Variants in PPP2R5E observed in about 807,000 individuals in gnomAD.
PPP2R5E encodes serine/threonine-protein phosphatase 2A 56 kDa regulatory subunit epsilon isoform.
In PPP2R5E, 4 loss-of-function variants were observed where a neutral mutation model predicts 65.3. That is an observed-to-expected ratio of 0.06 (90% CI 0.03 to 0.14). The LOEUF (loss-of-function observed/expected upper bound fraction) is 0.14, where lower values mean the gene tolerates loss of function less well. Among genes scored for constraint, PPP2R5E ranks in the 10% least tolerant of loss-of-function variants. The pLI, the probability that PPP2R5E is intolerant of heterozygous loss-of-function variation, is 1.00. For missense variants in PPP2R5E, 274 were observed against 556.1 expected (o/e 0.49, Z 5.10); for synonymous variants, 183 against 187.4 (o/e 0.98, Z 0.19).
intron 2 of PPP2R5E, among the ~76,000 whole-genome samples, chr14:63,529,216 C>T (rs981634348): frequency 6.6e-6 from 1 of 152,156 alleles, no homozygotes; most frequent in African/African-American, 2.4e-5. Context: ...CCTGCGTCCT[C>T]CCAAAGTGCT....
At chr14:63,489,829 C>T in intron 2 of PPP2R5E, among the ~76,000 whole-genome samples, 1 of 152,018 alleles carries the variant, frequency 6.6e-6, no homozygotes, top group East Asian at 1.9e-4. Context: ...CTGAGTGATG[C>T]CTTTCTCAGC....
chr14:63,484,345 T>TCACACACACACACACA (rs1239784741), intron 2 of PPP2R5E, among the ~76,000 whole-genome samples: 1 of 124,264 alleles, frequency 8.0e-6, no homozygotes, highest in African/African-American at 3.3e-5. Flanking sequence ...TCTCTCTCTC[T>TCACACACACACACACA]CTCACACACA....
intron 4 of PPP2R5E, among the ~76,000 whole-genome samples, chr14:63,417,618 T>G (rs1280652576): frequency 6.6e-6 from 1 of 152,214 alleles, no homozygotes; most frequent in East Asian, 1.9e-4. Context: ...TTGTATCATG[T>G]AGAATATTTT....
In PPP2R5E at chr14:63,420,450, A is replaced by T. The variant is rs1489735612; in HGVS notation, c.456+1543T>A. 3.9e-5 allele frequency among the ~76,000 whole-genome samples: 6 copies of T among 152,262 alleles called. No individual in the cohort carries two copies. In the East Asian group the frequency reaches 1.2e-3, roughly 29 times the overall value. On this transcript the variant is annotated intron_variant, in intron 4 of 13. Transcript: ENST00000337537. ...GCAGACAATATGTCTGGGACCTTAA[A>T]AAAAAAATCAAACATCTAAGATAGT...
Position 63,371,595 on chromosome 14 carries a change from G to A in PPP2R5E, c.*4414C>T, listed in dbSNP as rs920501872. ...GAAGTAGCATGTTTTAGCCAGAGGT[G>A]GAAGATTGTTTTGTGGCATTTTAAG... On this transcript the variant is annotated 3_prime_UTR_variant, in exon 14 of 14. Transcript: ENST00000337537. The A allele has an allele frequency of 1.3e-5, 2 of 152,238 alleles. No homozygotes were observed. The highest frequency in any genetic ancestry group is 4.8e-5 in the African/African-American group (2 of 41,464). The allele number at this position is 152,238 out of a possible 1,614,324, so 9.4% of individuals were successfully genotyped here.
chr14:63,431,646 C>A lies in PPP2R5E; in HGVS notation c.355-9552G>T, dbSNP rs186245022. Reference sequence around the variant, plus strand: ...CATAAAACTGCATTTGCGGACAAAGCTCTATACTTTTGTGAAGACATTCAC... The same window carrying A: ...CATAAAACTGCATTTGCGGACAAAGATCTATACTTTTGTGAAGACATTCAC... On this transcript the variant is annotated intron_variant, in intron 3 of 13. Coordinates refer to ENST00000337537, the MANE Select transcript of PPP2R5E (RefSeq NM_006246.5). Among the ~76,000 whole-genome samples the A allele has an allele frequency of 5.8e-3, 861 of 149,660 alleles. 2 individuals carry two copies. Among genetic ancestry groups the A allele is most frequent in the Non-Finnish European group, 9.6e-3 (654 of 68,008 alleles).
At chr14:63,413,886 C>G (rs1380135062) in intron 5 of PPP2R5E, among the ~76,000 whole-genome samples, 1 of 152,208 alleles carries the variant, frequency 6.6e-6, no homozygotes, top group Admixed American at 6.5e-5. Flanking sequence ...TACCAAAGTA[C>G]TCTAAATGTG....
intron 2 of PPP2R5E, among the ~76,000 whole-genome samples, chr14:63,463,142 G>C (rs530330714): frequency 6.8e-6 from 1 of 146,214 alleles, no homozygotes; most frequent in Non-Finnish European, 1.5e-5. Flanking sequence ...TTTTGTTTTT[G>C]TTTTTGTTTT....
At chr14:63,401,850 G>A (rs201244431) in intron 5 of PPP2R5E, among the ~76,000 whole-genome samples, 2 of 152,058 alleles carry the variant, frequency 1.3e-5, no homozygotes, top group Non-Finnish European at 2.9e-5. Flanking sequence ...GAAAGCCAAC[G>A]AGAAGCAGGC....
intron 2 of PPP2R5E, among the ~76,000 whole-genome samples, chr14:63,501,268 G>A (rs373079872): frequency 3.3e-5 from 5 of 152,022 alleles, no homozygotes; most frequent in East Asian, 1.9e-4. Context: ...AGCCGGGCGT[G>A]GTGGCGAGCG....
chr14:63,491,732 A>T (rs1263363720), intron 2 of PPP2R5E, among the ~76,000 whole-genome samples: 1 of 152,104 alleles, frequency 6.6e-6, no homozygotes, highest in East Asian at 1.9e-4. Context: ...CTGTAGTCCC[A>T]GCTACTCAGG....
chr14:63,430,697 C>T (rs1433624730), intron 3 of PPP2R5E, among the ~76,000 whole-genome samples: 1 of 152,084 alleles, frequency 6.6e-6, no homozygotes, highest in Non-Finnish European at 1.5e-5. Flanking sequence ...TCAGAGCAGA[C>T]AAATATCTTT....
intron 2 of PPP2R5E, among the ~76,000 whole-genome samples, chr14:63,475,920 G>C (rs915712234): frequency 2.0e-5 from 3 of 152,200 alleles, no homozygotes; most frequent in East Asian, 3.8e-4. Flanking sequence ...GAAGTTTACA[G>C]TGGAAACTCT....
rs978119196 is a variant in PPP2R5E at position 63,467,431 on chromosome 14, G to C, written c.158-13546C>G. Among the ~76,000 whole-genome samples the C allele has an allele frequency of 5.3e-5, 8 of 152,094 alleles. 1 individual carries two copies. On this transcript the variant is annotated intron_variant, in intron 2 of 13. Transcript: ENST00000337537. ...TCTATGTCTAATACTGTAACCCAGA[G>C]TTTAGCTAAACATGCCATGGGGTAG...
chr14:63,444,696 A>C (rs1343357650), intron 3 of PPP2R5E, among the ~76,000 whole-genome samples: 2 of 152,280 alleles, frequency 1.3e-5, no homozygotes, highest in African/African-American at 4.8e-5. Flanking sequence ...TGATTTGGAA[A>C]GCCAGAAATT....
At chr14:63,415,302 G>T in intron 4 of PPP2R5E, 70 bp from the exon 5 acceptor site, 1 of 1,067,086 alleles carries the variant, frequency 9.4e-7, no homozygotes, top group Non-Finnish European at 1.4e-6. Context: ...ACCACCAAAA[G>T]CCTGTAACAC....
chr14:63,529,469 TC>T (rs1427358193), intron 2 of PPP2R5E, among the ~76,000 whole-genome samples: 1 of 151,686 alleles, frequency 6.6e-6, no homozygotes, highest in African/African-American at 2.4e-5. Flanking sequence ...CACGCCATTC[TC>T]CTGCCTCAGC....
chr14:63,506,446 G>A (rs555648634), intron 2 of PPP2R5E, among the ~76,000 whole-genome samples: 11 of 152,056 alleles, frequency 7.2e-5, no homozygotes, highest in South Asian at 4.2e-4. Context: ...GCAAGACTCC[G>A]TCTCAAAAAA....
At chr14:63,398,906 C>T (rs1204993322) in intron 5 of PPP2R5E, among the ~76,000 whole-genome samples, 1 of 152,186 alleles carries the variant, frequency 6.6e-6, no homozygotes, top group Non-Finnish European at 1.5e-5. Context: ...CTGGAACCCT[C>T]ATACATTGTT....
Sources: gnomAD v4.1 joint callset for allele counts (sites outside exome capture counted in the v4.1 genomes callset) on GRCh38, gnomAD v4.1.1 for gene constraint, MANE v1.5 for transcripts, NCBI Gene and HGNC (gene_info 2026-07-23, HGNC 2026-07-21) for gene names.